PDHX: variants seen among roughly 807,000 people sequenced by gnomAD.
PDHX encodes pyruvate dehydrogenase protein X component, mitochondrial.
A neutral mutation model predicts 55.3 loss-of-function variants in PDHX; 33 were observed. That is an observed-to-expected ratio of 0.60 (90% CI 0.45 to 0.80). The LOEUF is 0.80. Ranked by LOEUF, PDHX falls within the 30% of genes least tolerant of loss-of-function variation. PDHX has a pLI of 0.00. For synonymous variants in PDHX, 226 were observed against 219.4 expected (o/e 1.03, Z -0.27); for missense variants, 622 against 619.9 (o/e 1.00, Z -0.04).
chr11:34,992,529 T>C (rs1855776567), intron 10 of PDHX, 150 bp downstream of exon 10: 1 of 586,606 alleles, frequency 1.7e-6, no homozygotes, highest in Non-Finnish European at 3.0e-6. Context: ...GAAAAAATTC[T>C]TCAGACTAGT....
chr11:34,949,930 C>T (rs1259874648), intron 3 of PDHX, among the ~76,000 whole-genome samples: 1 of 151,902 alleles, frequency 6.6e-6, no homozygotes, highest in Non-Finnish European at 1.5e-5. Flanking sequence ...AAAATAGCAT[C>T]CATGGATATT....
At chr11:34,968,258 C>T in intron 6 of PDHX, among the ~76,000 whole-genome samples, 1 of 90,410 alleles carries the variant, frequency 1.1e-5, no homozygotes. Context: ...AAGACCCTAT[C>T]TCAAAAAAAA....
chr11:34,974,931 AG>A (rs1336603953), intron 7 of PDHX, among the ~76,000 whole-genome samples: 2 of 152,192 alleles, frequency 1.3e-5, no homozygotes, highest in East Asian at 3.9e-4. Flanking sequence ...AAGTGCACAA[AG>A]GTTGAAATTT....
intron 9 of PDHX, among the ~76,000 whole-genome samples, chr11:34,989,760 T>C (rs1261491798): frequency 6.6e-6 from 1 of 152,222 alleles, no homozygotes; most frequent in East Asian, 1.9e-4. Context: ...TACCCTGTTT[T>C]ATTGTCTTCA....
At chr11:34,920,247 T>C (rs1484789679) in intron 1 of PDHX, among the ~76,000 whole-genome samples, 1 of 152,230 alleles carries the variant, frequency 6.6e-6, no homozygotes, top group Non-Finnish European at 1.5e-5. Context: ...ATATAATTGG[T>C]AAGATGTTAA....
chr11:34,989,992 A>G (rs889494422), intron 9 of PDHX, among the ~76,000 whole-genome samples: 3 of 152,220 alleles, frequency 2.0e-5, no homozygotes, highest in Admixed American at 6.5e-5. Context: ...AGATTCATCC[A>G]TGAACCCCAA....
intron 1 of PDHX, among the ~76,000 whole-genome samples, chr11:34,926,317 T>C (rs7941930): frequency 0.13 from 19,880 of 152,182 alleles, 1,767 homozygotes; most frequent in African/African-American, 0.26. Flanking sequence ...TTTTGAAGGC[T>C]CCGTTTTATT....
intron 2 of PDHX, among the ~76,000 whole-genome samples, chr11:34,943,792 GTCTCCTCCTCA>G (rs1252337815): frequency 2.6e-5 from 4 of 152,094 alleles, no homozygotes; most frequent in Non-Finnish European, 5.9e-5. Context: ...TTTACAGATT[GTCTCCTCCTCA>G]CCTCTTCAGG....
chr11:34,983,529 T>C (rs1355801571), intron 8 of PDHX, among the ~76,000 whole-genome samples: 3 of 152,096 alleles, frequency 2.0e-5, no homozygotes, highest in African/African-American at 4.8e-5. Flanking sequence ...AAAACCCCAT[T>C]GTCTCAGCCC....
At chr11:34,986,322 A>AG (rs5791025) in intron 9 of PDHX, among the ~76,000 whole-genome samples, 82,654 of 147,402 alleles carry the variant, frequency 0.56, 24,543 homozygotes, top group East Asian at 0.69. Flanking sequence ...AAAAAAAAAA[A>AG]AAAAGAAAGG....
chr11:34,953,247 G>A (rs1854820276), intron 3 of PDHX, among the ~76,000 whole-genome samples: 1 of 152,200 alleles, frequency 6.6e-6, no homozygotes, highest in African/African-American at 2.4e-5. Context: ...AATCAATATT[G>A]TGAAAATGGC....
chr11:34,936,644 A>G (rs915501354), intron 2 of PDHX, among the ~76,000 whole-genome samples: 4 of 152,108 alleles, frequency 2.6e-5, no homozygotes, highest in Non-Finnish European at 4.4e-5. Context: ...TGGGGACATA[A>G]TGGCTGTAAG....
chr11:34,969,958 C>T (rs981782465), intron 6 of PDHX, among the ~76,000 whole-genome samples, 181 bp from the exon 7 acceptor site: 1 of 152,136 alleles, frequency 6.6e-6, no homozygotes, highest in African/African-American at 2.4e-5. Flanking sequence ...CAAAGCGTCT[C>T]AGATTTTTTA....
chr11:34,935,621 G>C (rs1047436844), intron 2 of PDHX, among the ~76,000 whole-genome samples: 3 of 152,144 alleles, frequency 2.0e-5, no homozygotes, highest in Admixed American at 2.0e-4. Context: ...TTCTGTATCA[G>C]GTTAAACTAT....
In PDHX at chr11:34,957,475, A is replaced by G. The variant is rs371030372; in HGVS notation, c.434A>G (p.Lys145Arg). ...GATTGGAAACATGTTGAAATTCCCAAAGACGTAGGTCCTCCACCACCAGTT... is the reference window on the plus strand; with the variant it reads ...GATTGGAAACATGTTGAAATTCCCAGAGACGTAGGTCCTCCACCACCAGTT... ...GEDWKHVEIP[K>R]DVGPPPPVSK... is the part of the protein sequence containing the mutation. The change falls in exon 4 of 11, where the codon AAA (lysine) becomes AGA (arginine). Residue 145 changes from lysine to arginine, a missense_variant. Lys to Arg is a conservative substitution (Grantham distance 26). Coordinates refer to ENST00000227868, the MANE Select transcript of PDHX (RefSeq NM_003477.3). The G allele has an allele frequency of 5.6e-6, 9 of 1,613,808 alleles. No homozygotes were observed. The highest frequency in any genetic ancestry group is 2.7e-5 in the African/African-American group (2 of 74,902).
intron 4 of PDHX, among the ~76,000 whole-genome samples, chr11:34,958,171 A>G (rs1182911761): frequency 6.6e-6 from 1 of 152,228 alleles, no homozygotes; most frequent in Non-Finnish European, 1.5e-5. Flanking sequence ...TTAGTATTCT[A>G]TATAATTATA....
At chr11:34,966,614 G>A in intron 5 of PDHX, 26 bp from the exon 6 acceptor site, 1 of 1,610,670 alleles carries the variant, frequency 6.2e-7, no homozygotes, top group African/African-American at 1.3e-5. Context: ...GCTAATTATG[G>A]TTATCTACTT....
intron 9 of PDHX, among the ~76,000 whole-genome samples, chr11:34,988,813 T>C (rs1855703354): frequency 6.6e-6 from 1 of 152,222 alleles, no homozygotes; most frequent in South Asian, 2.1e-4. Context: ...TCAACCACAG[T>C]TGAAAATAGA....
At chr11:34,923,784 C>G (rs1256042590) in intron 1 of PDHX, among the ~76,000 whole-genome samples, 2 of 152,156 alleles carry the variant, frequency 1.3e-5, no homozygotes, top group African/African-American at 4.8e-5. Flanking sequence ...GCTAGGATAA[C>G]AAGTGTTCAG....
Sources: allele counts gnomAD v4.1 joint callset (sites outside exome capture counted in the v4.1 genomes callset), GRCh38; gene constraint gnomAD v4.1.1; transcripts MANE v1.5; gene names NCBI Gene and HGNC (gene_info 2026-07-23, HGNC 2026-07-21).